Variants in NCAPD2 observed in about 807,000 individuals in gnomAD.
The protein encoded by NCAPD2 is condensin complex subunit 1.
NCAPD2 carries 100 observed loss-of-function variants against 164.5 expected under a neutral mutation model. That is an observed-to-expected ratio of 0.61 (90% CI 0.52 to 0.72). NCAPD2 has a LOEUF of 0.72. Among genes scored for constraint, NCAPD2 ranks in the 30% least tolerant of loss-of-function variants. The pLI is 0.00. For missense variants in NCAPD2, 1,560 were observed against 1,749.2 expected, an observed-to-expected ratio of 0.89 and a Z score of 1.93; for synonymous variants, 585 against 642.6, an observed-to-expected ratio of 0.91 and a Z score of 1.36.
chr12:6,507,777 ATG>A (rs1231430077), intron 2 of NCAPD2, among the ~76,000 whole-genome samples: 1 of 152,232 alleles, frequency 6.6e-6, no homozygotes, highest in African/African-American at 2.4e-5. Flanking sequence ...AAGGAAAGGA[ATG>A]TGAGCTGGTA....
chr12:6,520,967 C>T lies in NCAPD2; in HGVS notation c.1590-19C>T. ...GCAGTGACATTCTTCTGGGTACTGA[C>T]AGGCTGGTGTTCTTTCAGAAAGGCC... On this transcript the variant is annotated intron_variant, in intron 13 of 31. Coordinates refer to ENST00000315579, the MANE Select transcript of NCAPD2 (RefSeq NM_014865.4). The T allele has an allele frequency of 6.2e-7, 1 of 1,613,582 alleles. No homozygotes were observed. Among genetic ancestry groups the T allele is most frequent in the Non-Finnish European group, 8.5e-7 (1 of 1,179,836 alleles).
chr12:6,523,953 G>A (rs756747629), intron 17 of NCAPD2, among the ~76,000 whole-genome samples: 21 of 152,146 alleles, frequency 1.4e-4, no homozygotes, highest in East Asian at 1.9e-4. Context: ...GCACTCACAC[G>A]TTACTCACAG....
intron 2 of NCAPD2, among the ~76,000 whole-genome samples, chr12:6,508,342 AAC>A (rs1271360383): frequency 6.6e-6 from 1 of 152,214 alleles, no homozygotes; most frequent in Non-Finnish European, 1.5e-5. Flanking sequence ...TCTTGAAAAA[AAC>A]AAAAAAATGG....
intron 2 of NCAPD2, among the ~76,000 whole-genome samples, chr12:6,506,857 GA>G (rs1375344230): frequency 1.3e-5 from 2 of 152,050 alleles, no homozygotes; most frequent in Non-Finnish European, 2.9e-5. Context: ...AAGAAAGAAA[GA>G]AAAAATTCCA....
intron 5 of NCAPD2, 147 bp downstream of exon 5, chr12:6,510,957 TC>T: frequency 7.8e-7 from 1 of 1,290,216 alleles, no homozygotes; most frequent in Non-Finnish European, 1.1e-6. Flanking sequence ...CACGTTTTCT[TC>T]CTGGACAAGT....
chr12:6,512,361 T>C (rs995710957), intron 6 of NCAPD2, among the ~76,000 whole-genome samples: 1 of 150,994 alleles, frequency 6.6e-6, no homozygotes, highest in African/African-American at 2.4e-5. Context: ...TTCTTTGAGA[T>C]GGTGACATTT....
rs1946212300 is a variant in NCAPD2 at position 6,517,370 on chromosome 12, C to T, written c.1191C>T (p.Leu397=). 6.2e-7 allele frequency: 1 copy of T among 1,613,948 alleles called. No individual in the cohort carries two copies. The change falls in exon 11 of 32, where the codon CTC becomes CTT. Residue 397 remains leucine (L), a synonymous_variant. Coordinates refer to ENST00000315579, the MANE Select transcript of NCAPD2 (RefSeq NM_014865.4). ...LFTRIVQQKA[L]PLTRFQAVVA... ...TCTCTTCCTACCCTACACAGGCTCT[C>T]CCCCTGACACGTTTCCAGGCAGTGG...
rs865982193 is a variant in NCAPD2 at position 6,523,198 on chromosome 12, T to A, written c.2130-64T>A. 7.8e-6 allele frequency: 12 copies of A among 1,547,830 alleles called. No individual in the cohort carries two copies. In the Middle Eastern group the frequency reaches 2.2e-3, roughly 287 times the overall value. The stretch of plus-strand genomic sequence containing the variant: ...TAGCACTGTGGTGGGATAGCCCTAA[T>A]CACTGTTTGCCAAGTTCAGCTTCCC... On this transcript the variant is annotated intron_variant, in intron 16 of 31. Coordinates refer to ENST00000315579, the MANE Select transcript of NCAPD2 (RefSeq NM_014865.4).
At chr12:6,504,210 T>TATATATATATATATACAC (rs1946074642) in intron 2 of NCAPD2, among the ~76,000 whole-genome samples, 6 of 22,124 alleles carry the variant, frequency 2.7e-4, no homozygotes, top group Non-Finnish European at 4.2e-4. Flanking sequence ...TATATATATA[T>TATATATATATATATACAC]ATATATAGAT....
chr12:6,500,732 A>G (rs542267592), intron 2 of NCAPD2, among the ~76,000 whole-genome samples: 1 of 152,348 alleles, frequency 6.6e-6, no homozygotes, highest in South Asian at 2.1e-4. Flanking sequence ...AGCCTCGTAG[A>G]TCATGGCAAA....
In NCAPD2 at chr12:6,522,808, A is replaced by G; in HGVS notation, c.1955-20A>G. 6.2e-6 allele frequency: 10 copies of G among 1,612,096 alleles called. No homozygotes were observed. Among genetic ancestry groups the G allele is most frequent in the Non-Finnish European group, 8.5e-6 (10 of 1,179,118 alleles). ...GAGTTTTGTGAAGTAGATAGGTGAC[A>G]TTTGTACATGTTCTCTCAGTGGTGC... On this transcript the variant is annotated intron_variant, in intron 15 of 31. Transcript: ENST00000315579.
chr12:6,518,504 G>GTTTTTGTTTTTTTTGTTTT (rs746627585), intron 13 of NCAPD2, among the ~76,000 whole-genome samples: 1 of 44,774 alleles, frequency 2.2e-5, no homozygotes, highest in African/African-American at 1.0e-4. Flanking sequence ...CCGTCAACAA[G>GTTTTTGTTTTTTTTGTTTT]TTTTTTTTTT....
intron 27 of NCAPD2, 169 bp from the exon 28 acceptor site, chr12:6,529,344 G>A (rs942559812): frequency 1.7e-5 from 11 of 660,890 alleles, no homozygotes; most frequent in Admixed American, 8.4e-5. Context: ...GGGCGGGGTG[G>A]GGTCCCTCTC....
Position 6,531,067 on chromosome 12 carries a change from A to G in NCAPD2, c.4111A>G (p.Ser1371Gly). 1 of 1,613,528 alleles carries G rather than the reference A, an allele frequency of 6.2e-7. No homozygotes were observed. The highest frequency in any genetic ancestry group is 8.5e-7 in the Non-Finnish European group (1 of 1,180,034). The change falls in exon 31 of 32, where the codon AGT becomes GGT. Residue 1371 changes from serine to glycine, a missense_variant. Coordinates refer to ENST00000315579, the MANE Select transcript of NCAPD2 (RefSeq NM_014865.4). This position sits in a 1 kb window ranked among gnomAD's most constrained non-coding sequence, Gnocchi z 4.1. ...PKVVFSSDESSEEDLSAEMTE... is the reference protein window; with the variant it reads ...PKVVFSSDESGEEDLSAEMTE... ...AGTTGTCTTCTCAAGTGATGAGTCC[A>G]GTGAGGAAGGTATGATGCTCCCGCC...
At chr12:6,496,039 T>C (rs7978461) in intron 2 of NCAPD2, among the ~76,000 whole-genome samples, 83,096 of 150,876 alleles carry the variant, frequency 0.55, 23,519 homozygotes, top group African/African-American at 0.66. Flanking sequence ...GTTGCTAGAT[T>C]GCAACTTCTT....
At chr12:6,508,764 G>A (rs375298657) in intron 2 of NCAPD2, among the ~76,000 whole-genome samples, 2 of 152,218 alleles carry the variant, frequency 1.3e-5, no homozygotes, top group African/African-American at 4.8e-5. Context: ...GTGGAGAAAT[G>A]TGGCAGACAC....
At position 6,525,501 on chromosome 12, in the gene NCAPD2, C is replaced by T. The variant is rs1565546283; in HGVS notation, c.2215-82C>T. ...GTATTACTTTTGTCTACTTCAGGTT[C>T]GCAATATCATCTTCAGAAAAGCAGA... On this transcript the variant is annotated intron_variant, in intron 17 of 31. Transcript: ENST00000315579. The T allele has an allele frequency of 1.6e-5, 24 of 1,495,802 alleles. No homozygotes were observed. In the Admixed American group the frequency reaches 2.0e-4, roughly 12 times the overall value. 92.7% of individuals were successfully genotyped at this position (1,495,802 alleles called of 1,614,324 possible).
intron 6 of NCAPD2, among the ~76,000 whole-genome samples, chr12:6,511,636 T>C (rs1461606783): frequency 6.6e-6 from 1 of 152,114 alleles, no homozygotes; most frequent in Non-Finnish European, 1.5e-5. Context: ...GCCAGAAGTC[T>C]ATTTTTAAAA....
At chr12:6,510,007 T>A in intron 3 of NCAPD2, 68 bp from the exon 4 acceptor site, 1 of 1,503,058 alleles carries the variant, frequency 6.7e-7, no homozygotes, top group Non-Finnish European at 9.2e-7. Context: ...ACGGGTTAGA[T>A]CTGATCTGTT....
Sources: allele counts gnomAD v4.1 joint callset (sites outside exome capture counted in the v4.1 genomes callset), GRCh38; gene constraint gnomAD v4.1.1; non-coding constraint Gnocchi (gnomAD v3.1); transcripts MANE v1.5; gene names NCBI Gene and HGNC (gene_info 2026-07-23, HGNC 2026-07-21).